Variants in SNTB1 observed in about 807,000 individuals in gnomAD.
SNTB1 encodes the protein syntrophin beta 1.
SNTB1 carries 36 observed loss-of-function variants against 48.9 expected under a neutral mutation model. The observed-to-expected ratio is 0.74, with a 90% CI of 0.56 to 0.97. The LOEUF is 0.97. SNTB1 is among the 50% of genes least tolerant of loss of function. SNTB1 has a pLI of 0.00. For missense variants in SNTB1, 786 were observed against 703.4 expected (o/e 1.12, Z -1.33); for synonymous variants, 299 against 294.6 (o/e 1.01, Z -0.15).
At chr8:120,696,900 T>A (rs1818219533) in intron 1 of SNTB1, among the ~76,000 whole-genome samples, 1 of 152,214 alleles carries the variant, frequency 6.6e-6, no homozygotes, top group Non-Finnish European at 1.5e-5. Context: ...GTTTGAGCTT[T>A]ATTCTACAGG....
chr8:120,751,177 C>T (rs558541612), intron 1 of SNTB1, among the ~76,000 whole-genome samples: 24 of 152,036 alleles, frequency 1.6e-4, no homozygotes, highest in East Asian at 9.7e-4. Context: ...GGAGTGAGGA[C>T]GCTAAGTTAT....
chr8:120,760,432 C>A (rs1482969628), intron 1 of SNTB1, among the ~76,000 whole-genome samples: 1 of 152,062 alleles, frequency 6.6e-6, no homozygotes, highest in Non-Finnish European at 1.5e-5. Flanking sequence ...GGGCAGAAAT[C>A]TCACTGGAGC....
intron 3 of SNTB1, among the ~76,000 whole-genome samples, chr8:120,591,128 C>T (rs1047032022): frequency 6.6e-6 from 1 of 152,220 alleles, no homozygotes; most frequent in Non-Finnish European, 1.5e-5. Flanking sequence ...AAGTCAGCAT[C>T]GTGGATTCTC....
At chr8:120,623,427 C>T (rs1816823795) in intron 3 of SNTB1, among the ~76,000 whole-genome samples, 1 of 152,220 alleles carries the variant, frequency 6.6e-6, no homozygotes, top group African/African-American at 2.4e-5. Context: ...ATTTCCCTAA[C>T]AGCCTGTGAA....
At chr8:120,545,792 T>C (rs1815371223) in intron 5 of SNTB1, among the ~76,000 whole-genome samples, 1 of 152,244 alleles carries the variant, frequency 6.6e-6, no homozygotes, top group South Asian at 2.1e-4. Flanking sequence ...TTTTAATTAA[T>C]TTAAATCACC....
At chr8:120,784,381 G>A (rs1188365443) in intron 1 of SNTB1, among the ~76,000 whole-genome samples, 2 of 151,970 alleles carry the variant, frequency 1.3e-5, no homozygotes, top group South Asian at 2.1e-4. Context: ...GATACAGAGG[G>A]ATGACTATAC....
intron 1 of SNTB1, among the ~76,000 whole-genome samples, chr8:120,757,470 T>C (rs1239261443): frequency 6.6e-6 from 1 of 152,208 alleles, no homozygotes; most frequent in Non-Finnish European, 1.5e-5. Context: ...TAGAATGTTG[T>C]AATGTGCCAA....
At chr8:120,546,950 G>T (rs1278625322) in intron 5 of SNTB1, among the ~76,000 whole-genome samples, 1 of 152,212 alleles carries the variant, frequency 6.6e-6, no homozygotes, top group African/African-American at 2.4e-5. Flanking sequence ...TGGCATAACT[G>T]TGGGAAGTTC....
At chr8:120,802,160 G>C (rs951832492) in intron 1 of SNTB1, among the ~76,000 whole-genome samples, 10 of 152,008 alleles carry the variant, frequency 6.6e-5, no homozygotes, top group African/African-American at 2.2e-4. Flanking sequence ...TATAGTGTTG[G>C]CTTAATAACA....
chr8:120,808,669 A>G (rs1243554251), intron 1 of SNTB1, among the ~76,000 whole-genome samples: 3 of 152,174 alleles, frequency 2.0e-5, no homozygotes, highest in Non-Finnish European at 1.5e-5. Context: ...GCGGATGAAG[A>G]CACTGAGACT....
At chr8:120,620,246 T>C (rs933545504) in intron 3 of SNTB1, among the ~76,000 whole-genome samples, 7 of 152,366 alleles carry the variant, frequency 4.6e-5, no homozygotes, top group Middle Eastern at 3.4e-3. Flanking sequence ...ATTACATTTA[T>C]TGGATGCTAT....
intron 1 of SNTB1, among the ~76,000 whole-genome samples, chr8:120,810,787 T>G (rs762754658): frequency 1.3e-5 from 2 of 152,146 alleles, no homozygotes; most frequent in Non-Finnish European, 2.9e-5. Context: ...CCTCTTCTGC[T>G]GGGCTGCCCA....
intron 3 of SNTB1, among the ~76,000 whole-genome samples, chr8:120,622,935 C>G (rs1563834154): frequency 6.6e-6 from 1 of 152,228 alleles, no homozygotes; most frequent in Non-Finnish European, 1.5e-5. Context: ...AATGGCCACT[C>G]TTTACCTCTA....
intron 1 of SNTB1, among the ~76,000 whole-genome samples, chr8:120,743,457 T>G (rs75816996): frequency 0.097 from 14,771 of 152,236 alleles, 699 homozygotes; most frequent in Admixed American, 0.11. Flanking sequence ...GCAGGAGTGA[T>G]CGGACTGTAT....
chr8:120,659,142 T>G (rs1427282886), intron 2 of SNTB1, among the ~76,000 whole-genome samples: 1 of 152,122 alleles, frequency 6.6e-6, no homozygotes, highest in Non-Finnish European at 1.5e-5. Flanking sequence ...TTTTGTATTT[T>G]TAGTAGAGAC....
intron 1 of SNTB1, among the ~76,000 whole-genome samples, chr8:120,719,326 G>A (rs182772652): frequency 1.2e-4 from 18 of 152,236 alleles, no homozygotes; most frequent in African/African-American, 4.3e-4. Context: ...CTCCAGTGCT[G>A]GATGCTTCCT....
chr8:120,561,969 G>A (rs1421842394), intron 4 of SNTB1, among the ~76,000 whole-genome samples: 1 of 152,144 alleles, frequency 6.6e-6, no homozygotes, highest in Non-Finnish European at 1.5e-5. Context: ...TCTGTTGTGT[G>A]TGCCAAGGAG....
At chr8:120,773,103 A>T (rs766670638) in intron 1 of SNTB1, among the ~76,000 whole-genome samples, 1 of 152,250 alleles carries the variant, frequency 6.6e-6, no homozygotes, top group African/African-American at 2.4e-5. Context: ...ATACGTGTGA[A>T]ATAATAATTT....
At chr8:120,557,162 A>G (rs1351398674) in intron 4 of SNTB1, among the ~76,000 whole-genome samples, 1 of 152,236 alleles carries the variant, frequency 6.6e-6, no homozygotes, top group Non-Finnish European at 1.5e-5. Context: ...TGTCTGGAAA[A>G]GAGAAGATTT....
Sources: gnomAD v4.1 joint callset for allele counts (sites outside exome capture counted in the v4.1 genomes callset) on GRCh38, gnomAD v4.1.1 for gene constraint, MANE v1.5 for transcripts, NCBI Gene and HGNC (gene_info 2026-07-23, HGNC 2026-07-21) for gene names.